ZMAT4: variants seen among roughly 807,000 people sequenced by gnomAD.
ZMAT4 encodes the protein zinc finger matrin-type 4.
ZMAT4 carries 17 observed loss-of-function variants against 28.7 expected under a neutral mutation model. The ratio of observed to expected loss-of-function variants is 0.59; its 90% confidence interval spans 0.41 to 0.89. The LOEUF (loss-of-function observed/expected upper bound fraction) is 0.89, where lower values mean the gene tolerates loss of function less well. ZMAT4 is among the 40% of genes least tolerant of loss of function. The pLI is 0.00. For missense variants in ZMAT4, 240 were observed against 283.8 expected, an observed-to-expected ratio of 0.85 and a Z score of 1.11; for synonymous variants, 117 against 109.2, an observed-to-expected ratio of 1.07 and a Z score of -0.44.
At position 40,860,176 on chromosome 8, in the gene ZMAT4, G is replaced by C. The variant is rs559511621; in HGVS notation, c.-4-34496C>G. On this transcript the variant is annotated intron_variant, in intron 1 of 6. Transcript: ENST00000297737. ...TCAGTAATGACACCTGCCACAAAAG[G>C]CTGTTTTGTAGATATCTCCCAATTA... Among the ~76,000 whole-genome samples the C allele has an allele frequency of 4.8e-4, 73 of 152,172 alleles. 1 individual carries two copies. The highest frequency in any genetic ancestry group is 1.7e-3 in the African/African-American group (72 of 41,530).
chr8:40,875,606 T>C (rs544680585), intron 1 of ZMAT4, among the ~76,000 whole-genome samples: 1 of 152,214 alleles, frequency 6.6e-6, no homozygotes, highest in South Asian at 2.1e-4. Flanking sequence ...TGTGGTATCT[T>C]CATGGGCCAT....
At chr8:40,862,983 AAAG>A (rs1185316266) in intron 1 of ZMAT4, among the ~76,000 whole-genome samples, 1 of 150,620 alleles carries the variant, frequency 6.6e-6, no homozygotes, top group Non-Finnish European at 1.5e-5. Context: ...AAAAAAAAAG[AAAG>A]AAAGAAAGAA....
At chr8:40,564,179 C>T (rs377222226) in intron 6 of ZMAT4, among the ~76,000 whole-genome samples, 14 of 152,248 alleles carry the variant, frequency 9.2e-5, no homozygotes, top group South Asian at 6.2e-4. Context: ...AGCTGGAGAA[C>T]GCAAAGAAAT....
chr8:40,887,071 T>C (rs959900818), intron 1 of ZMAT4, among the ~76,000 whole-genome samples: 4 of 147,694 alleles, frequency 2.7e-5, no homozygotes, highest in African/African-American at 1.0e-4. Context: ...CTTGGGAGGC[T>C]GAGGTGGGAG....
At chr8:40,800,640 C>T (rs1340353259) in intron 2 of ZMAT4, among the ~76,000 whole-genome samples, 1 of 147,720 alleles carries the variant, frequency 6.8e-6, no homozygotes, top group African/African-American at 2.5e-5. Context: ...TTAAACAATA[C>T]ACTTCTGAAT....
intron 4 of ZMAT4, among the ~76,000 whole-genome samples, chr8:40,693,135 A>G (rs532163463): frequency 1.3e-5 from 2 of 152,156 alleles, no homozygotes; most frequent in South Asian, 4.2e-4. Flanking sequence ...TGTTTTCCCT[A>G]AGACAGGGTT....
intron 3 of ZMAT4, among the ~76,000 whole-genome samples, chr8:40,748,459 A>G (rs185600059): frequency 1.6e-3 from 247 of 152,304 alleles, no homozygotes; most frequent in Middle Eastern, 3.4e-3. Flanking sequence ...GGAGGGGAAT[A>G]CAACCAGCTG....
intron 3 of ZMAT4, among the ~76,000 whole-genome samples, chr8:40,764,293 T>G (rs1586014652): frequency 6.6e-6 from 1 of 152,330 alleles, no homozygotes; most frequent in East Asian, 1.9e-4. Flanking sequence ...GAGTAAGGAT[T>G]CTAAAGATAA....
At chr8:40,607,421 T>C (rs1479595742) in intron 5 of ZMAT4, among the ~76,000 whole-genome samples, 3 of 152,100 alleles carry the variant, frequency 2.0e-5, no homozygotes, top group African/African-American at 7.2e-5. Flanking sequence ...TGAGCCACGG[T>C]GCCTGGCCTA....
At chr8:40,720,216 A>G (rs1811020513) in intron 3 of ZMAT4, among the ~76,000 whole-genome samples, 1 of 152,220 alleles carries the variant, frequency 6.6e-6, no homozygotes, top group Non-Finnish European at 1.5e-5. Flanking sequence ...AATTCCATTC[A>G]GGTGATTGTT....
chr8:40,784,489 C>G (rs1021007040), intron 2 of ZMAT4, among the ~76,000 whole-genome samples: 1 of 152,108 alleles, frequency 6.6e-6, no homozygotes, highest in African/African-American at 2.4e-5. Context: ...TGATAGCATT[C>G]TTTTAAAGAC....
At chr8:40,701,808 A>G (rs769098481) in intron 3 of ZMAT4, among the ~76,000 whole-genome samples, 11 of 152,016 alleles carry the variant, frequency 7.2e-5, no homozygotes, top group Non-Finnish European at 1.5e-4. Context: ...ATCAGCCACC[A>G]CTGCCCAGCC....
chr8:40,888,117 C>T (rs1018727257), intron 1 of ZMAT4, among the ~76,000 whole-genome samples: 1 of 152,192 alleles, frequency 6.6e-6, no homozygotes, highest in Non-Finnish European at 1.5e-5. Flanking sequence ...CCCTTGGACC[C>T]AAAGTCATCT....
At position 40,612,469 on chromosome 8, in the gene ZMAT4, C is replaced by G. The variant is rs753464620; in HGVS notation, c.578-31208G>C. ...TCCCATGCACACACAGTATCCATTC[C>G]TTAAAAGTGTGTATTCCTCAAGTTC... is the stretch of plus-strand genomic sequence containing the variant. On this transcript the variant is annotated intron_variant, in intron 5 of 6. Transcript: ENST00000297737. Among the ~76,000 whole-genome samples the G allele has an allele frequency of 5.8e-5, 8 of 138,124 alleles. 3 individuals carry two copies. Among genetic ancestry groups the G allele is most frequent in the Non-Finnish European group, 1.2e-4 (7 of 59,424 alleles). The allele number at this position is 138,124 out of a possible 152,430, so 90.6% of individuals were successfully genotyped here.
intron 3 of ZMAT4, among the ~76,000 whole-genome samples, chr8:40,754,586 C>A (rs1043894072): frequency 6.6e-6 from 1 of 151,970 alleles, no homozygotes; most frequent in African/African-American, 2.4e-5. Flanking sequence ...ACCTGTATAA[C>A]AAAAAATTTT....
At chr8:40,880,465 C>T (rs889828080) in intron 1 of ZMAT4, among the ~76,000 whole-genome samples, 1 of 151,992 alleles carries the variant, frequency 6.6e-6, no homozygotes, top group African/African-American at 2.4e-5. Context: ...TGACACTGAG[C>T]AATGTCATCT....
intron 1 of ZMAT4, among the ~76,000 whole-genome samples, chr8:40,835,023 A>G (rs1394289313): frequency 6.6e-6 from 1 of 152,218 alleles, no homozygotes; most frequent in Non-Finnish European, 1.5e-5. Flanking sequence ...GATGTCAGGG[A>G]AAGCGTGGAT....
rs185623889 is a variant in ZMAT4, at chr8:40,612,985, G to C, written c.578-31724C>G. ...CCGCCACCAGGGCCGGCTAATTTTT[G>C]TATTTTTAGTAGACACGGGGTTTCA... On this transcript the variant is annotated intron_variant, in intron 5 of 6. Coordinates refer to ENST00000297737, the MANE Select transcript of ZMAT4 (RefSeq NM_024645.3). Among the ~76,000 whole-genome samples the C allele has an allele frequency of 5.4e-4, 82 of 150,700 alleles. No homozygotes were observed. In the Middle Eastern group the frequency reaches 0.01, roughly 19 times the overall value.
chr8:40,817,528 C>T (rs1815591037), intron 2 of ZMAT4, among the ~76,000 whole-genome samples: 1 of 152,206 alleles, frequency 6.6e-6, no homozygotes, highest in Non-Finnish European at 1.5e-5. Context: ...CAGTGTCGCC[C>T]TGCAGGATAC....
Sources: allele counts gnomAD v4.1 joint callset (sites outside exome capture counted in the v4.1 genomes callset), GRCh38; gene constraint gnomAD v4.1.1; transcripts MANE v1.5; gene names NCBI Gene and HGNC (gene_info 2026-07-23, HGNC 2026-07-21).